The following DRP2 variants were observed in gnomAD, a reference collection of about 807,000 sequenced individuals.
DRP2 encodes dystrophin-related protein 2.
In DRP2, 29 loss-of-function variants were observed where a neutral mutation model predicts 78.2. The observed-to-expected ratio is 0.37, with a 90% CI of 0.28 to 0.51. DRP2 has a LOEUF of 0.51. DRP2 is among the 20% of genes least tolerant of loss of function. The pLI, the probability that DRP2 is intolerant of heterozygous loss-of-function variation, is 0.94. For synonymous variants in DRP2, 290 were observed against 281.9 expected (o/e 1.03, Z -0.29); for missense variants, 686 against 770.6 (o/e 0.89, Z 1.30).
rs1408954151 is a variant in DRP2 at position 101,241,598 on chromosome X, T to G, written c.560-70T>G. On this transcript the variant is annotated intron_variant, in intron 6 of 23. Coordinates refer to ENST00000395209, the MANE Select transcript of DRP2 (RefSeq NM_001939.3). ...CATACACACACATTTTATAAAGGGC[T>G]GTTTCTGTCTCTTTCTTTGAGCTGA... 7.1e-6 allele frequency: 8 copies of G among 1,132,482 alleles called. No individual in the cohort carries two copies. In the Admixed American group the frequency reaches 1.1e-4, roughly 16 times the overall value. 93.3% of individuals were successfully genotyped at this position (1,132,482 alleles called of 1,213,427 possible). A position where few individuals can be genotyped will look rare whatever the true frequency, so the allele number is the denominator to read the frequency against.
intron 1 of DRP2, among the ~76,000 whole-genome samples, chrX:101,223,885 C>G (rs1921978750): frequency 1.8e-5 from 2 of 111,592 alleles, no homozygotes; most frequent in Non-Finnish European, 3.8e-5. Context: ...TCAGGTACAT[C>G]TGAAGCAGAA....
At position 101,252,689 on chromosome X, in the gene DRP2, C is replaced by G; in HGVS notation, c.1950C>G (p.His650Gln). ...GGGCCAGCAAAGGCAATAAGCTGCA[C>G]TACCCCATCATGGAGTATTACACAC... ...TGRASKGNKL[H>Q]YPIMEYYTPT... Residue 650 changes from histidine (H) to glutamine (Q), a missense_variant, in exon 17 of 24, where the codon CAC becomes CAG. Physicochemically the swap from His to Gln is conservative, Grantham distance 24 (BLOSUM62 0). Coordinates refer to ENST00000395209, the MANE Select transcript of DRP2 (RefSeq NM_001939.3). The G allele has an allele frequency of 2.5e-6, 3 of 1,211,714 alleles. No homozygotes were observed. The highest frequency in any genetic ancestry group is 3.4e-6 in the Non-Finnish European group (3 of 895,238).
chrX:101,255,015 G>A, intron 19 of DRP2, 91 bp downstream of exon 19: 1 of 1,134,031 alleles, frequency 8.8e-7, no homozygotes, highest in African/African-American at 1.8e-5. Context: ...AATGGAGTCA[G>A]GGCCAGGGGA....
chrX:101,225,250 G>A (rs2147327945), intron 2 of DRP2, among the ~76,000 whole-genome samples: 1 of 111,262 alleles, frequency 9.0e-6, no homozygotes, highest in African/African-American at 3.3e-5. Flanking sequence ...CAATGCTTGG[G>A]CTCGCACCTG....
rs772399679 is a variant in DRP2, at chrX:101,235,915, G to A, written c.173G>A (p.Cys58Tyr). 69 of 1,210,248 alleles carry A rather than the reference G, an allele frequency of 5.7e-5. No individual in the cohort carries two copies. Among genetic ancestry groups the A allele is most frequent in the Non-Finnish European group, 7.3e-5 (65 of 895,207 alleles). Residue 58 changes from cysteine to tyrosine, a missense_variant, in exon 4 of 24, where the codon TGC (cysteine) becomes TAC (tyrosine). Physicochemically the swap from Cys to Tyr is radical, Grantham distance 194. Transcript: ENST00000395209. The stretch of plus-strand genomic sequence containing the variant: ...CCTCAAGATGGTGCTGGGGTTCCCT[G>A]CCTAAGCCTAAAGCTGTTGAACGGG... ...APPQDGAGVP[C>Y]LSLKLLNGSV...
chrX:101,254,492 A>C lies in DRP2; in HGVS notation c.2045A>C (p.Tyr682Ser). The C allele has an allele frequency of 8.3e-7, 1 of 1,211,971 alleles. No homozygotes were observed. The highest frequency in any genetic ancestry group is 1.1e-6 in the Non-Finnish European group (1 of 895,573). The change falls in exon 18 of 24, where the codon TAT becomes TCT. Residue 682 changes from tyrosine to serine, a missense_variant. Tyr to Ser is a moderately radical substitution (Grantham distance 144). This residue lies in a region of DRP2 where 423 missense variants were observed against 531.5 expected (regional missense o/e 0.80). Coordinates refer to ENST00000395209, the MANE Select transcript of DRP2 (RefSeq NM_001939.3). ...TLKNKFRSKH[Y>S]FSKHPQRGYL... The stretch of plus-strand genomic sequence containing the variant: ...AAGAACAAATTCCGCTCCAAGCATT[A>C]TTTCAGCAAACACCCTCAGCGAGGT...
At chrX:101,224,941 G>A (rs1472936546) in intron 2 of DRP2, among the ~76,000 whole-genome samples, 1 of 112,260 alleles carries the variant, frequency 8.9e-6, no homozygotes, top group Admixed American at 9.4e-5. Flanking sequence ...AAACAATACT[G>A]CAGCAAACAT....
intron 8 of DRP2, 151 bp downstream of exon 8, chrX:101,242,622 C>G (rs1280120598): frequency 1.2e-5 from 9 of 772,469 alleles, no homozygotes; most frequent in Non-Finnish European, 1.5e-5. Flanking sequence ...AACCTCTAAG[C>G]TGCAGGGAAT....
rs1193773060 is a variant in DRP2 at position 101,233,269 on chromosome X, C to A, written c.117+1505C>A. Among the ~76,000 whole-genome samples the A allele has an allele frequency of 3.6e-5, 4 of 111,782 alleles. No homozygotes were observed. The Admixed American group carries it at 3.8e-4, about 11-fold the overall frequency. On this transcript the variant is annotated intron_variant, in intron 3 of 23. Coordinates refer to ENST00000395209, the MANE Select transcript of DRP2 (RefSeq NM_001939.3). ...CTCATCGTGGGTGCTCCCCTCAGAG[C>A]CAGGACAGCTTGGTTGTGGCTGGGT...
intron 5 of DRP2, 143 bp downstream of exon 5, chrX:101,237,918 G>A (rs1922571295): frequency 3.5e-6 from 2 of 574,307 alleles, no homozygotes; most frequent in East Asian, 8.7e-5. Flanking sequence ...TCTGTGGCTA[G>A]CATGCCACAG....
rs745348781 is a variant in DRP2 at position 101,239,096 on chromosome X, G to A, written c.554G>A (p.Ser185Asn). 2.3e-5 allele frequency: 28 copies of A among 1,206,936 alleles called. No individual in the cohort carries two copies. In the South Asian group the frequency reaches 4.4e-4, roughly 19 times the overall value. The change falls in exon 6 of 24, where the codon AGC becomes AAC. Residue 185 changes from serine to asparagine, a missense_variant. Around this residue, in one of 2 missense-constraint regions of DRP2, gnomAD observed 263 missense variants for 239.1 expected, o/e 1.10. Coordinates refer to ENST00000395209, the MANE Select transcript of DRP2 (RefSeq NM_001939.3). The stretch of plus-strand genomic sequence containing the variant: ...GAGTTAGAGGAGCCTCATTCTGAGA[G>A]CAAAGGTAGGTGGTCTTCTGTTTTT... The part of the protein sequence containing the change: ...FEELEEPHSE[S>N]KDTSPKQRIQ...
At chrX:101,235,756 G>A in intron 3 of DRP2, 104 bp from the exon 4 acceptor site, 4 of 856,391 alleles carry the variant, frequency 4.7e-6, no homozygotes, top group Non-Finnish European at 4.9e-6. Flanking sequence ...AACCCTGGCA[G>A]CAACCCTTCT....
chrX:101,224,192 T>TTTTGTTTTG (rs1922012340), intron 1 of DRP2, among the ~76,000 whole-genome samples: 51 of 21,487 alleles, frequency 2.4e-3, no homozygotes, highest in African/African-American at 8.0e-3. Flanking sequence ...GTTTTTTTTG[T>TTTTGTTTTG]TTTTTTTTTT....
chrX:101,231,183 T>G (rs766504417), intron 2 of DRP2, among the ~76,000 whole-genome samples: 2 of 112,719 alleles, frequency 1.8e-5, no homozygotes, highest in Non-Finnish European at 3.7e-5. Flanking sequence ...TCAAGTGTGC[T>G]CTTTCTGAAA....
chrX:101,227,097 G>A (rs902347503), intron 2 of DRP2, among the ~76,000 whole-genome samples: 3 of 110,669 alleles, frequency 2.7e-5, no homozygotes, highest in South Asian at 3.9e-4. Context: ...TTCTCCTCCC[G>A]TGATAACTTA....
Position 101,239,088 on chromosome X carries a change from T to C in DRP2, c.546T>C (p.His182=), listed in dbSNP as rs139926149. 3.8e-3 allele frequency: 4,644 copies of C among 1,208,345 alleles called. 13 individuals are homozygous for C. The highest frequency in any genetic ancestry group is 4.9e-3 in the Non-Finnish European group (4,411 of 894,612). The part of the protein sequence containing the change: ...QHPFEELEEP[H]SESKDTSPKQ... ...CATTTGAGGAGTTAGAGGAGCCTCA[T>C]TCTGAGAGCAAAGGTAGGTGGTCTT... The change falls in exon 6 of 24, where the codon CAT becomes CAC. Residue 182 remains histidine, a synonymous_variant. Transcript: ENST00000395209.
chrX:101,262,124 A>G lies in DRP2; in HGVS notation c.*1503A>G, dbSNP rs1172450297. ...TTTGTTAGCCCCAGCCTCTGGTTGG[A>G]AAGATAGATGTATCCTGGCTGTTCC... On this transcript the variant is annotated 3_prime_UTR_variant, in exon 24 of 24. Coordinates refer to ENST00000395209, the MANE Select transcript of DRP2 (RefSeq NM_001939.3). 1 of 112,146 alleles carries G rather than the reference A, an allele frequency of 8.9e-6. No individual in the cohort carries two copies. The highest frequency in any genetic ancestry group is 1.9e-5 in the Non-Finnish European group (1 of 53,242). The allele number at this position is 112,146 out of a possible 1,213,427, so 9.2% of individuals were successfully genotyped here.
intron 12 of DRP2, 118 bp downstream of exon 12, chrX:101,247,282 A>C: frequency 3.2e-6 from 2 of 631,272 alleles, no homozygotes; most frequent in Non-Finnish European, 4.8e-6. Flanking sequence ...CTTGGTGGAA[A>C]CTCTCCAAAG....
At chrX:101,223,617 A>G (rs1921968679) in intron 1 of DRP2, among the ~76,000 whole-genome samples, 1 of 112,396 alleles carries the variant, frequency 8.9e-6, no homozygotes, top group Middle Eastern at 4.2e-3. Flanking sequence ...AAAATAGTTT[A>G]CTAACTTACA....
Sources: gnomAD v4.1 joint callset for allele counts (sites outside exome capture counted in the v4.1 genomes callset) on GRCh38, gnomAD v4.1.1 for gene constraint, gnomAD v4.1.1 regional missense constraint, MANE v1.5 for transcripts, NCBI Gene and HGNC (gene_info 2026-07-23, HGNC 2026-07-21) for gene names.